The following ELAVL4 variants were observed in gnomAD, a reference collection of about 807,000 sequenced individuals.
ELAVL4 encodes the protein ELAV-like protein 4.
ELAVL4 carries 1 observed loss-of-function variant against 35.6 expected under a neutral mutation model. That is an observed-to-expected ratio of 0.03 (90% CI 0.01 to 0.13). The LOEUF is 0.13. Ranked by LOEUF, ELAVL4 falls within the 10% of genes least tolerant of loss-of-function variation. ELAVL4 has a pLI of 1.00. For missense variants in ELAVL4, 267 were observed against 464.9 expected, an observed-to-expected ratio of 0.57 and a Z score of 3.91; for synonymous variants, 156 against 171.0, an observed-to-expected ratio of 0.91 and a Z score of 0.69.
intron 2 of ELAVL4, among the ~76,000 whole-genome samples, chr1:50,172,306 A>C (rs774978717): frequency 6.6e-5 from 10 of 152,338 alleles, no homozygotes; most frequent in Non-Finnish European, 1.5e-4. Flanking sequence ...GATTAAATAT[A>C]ACAAAAATGC....
chr1:50,055,276 T>G (rs913207949), intron 1 of ELAVL4, among the ~76,000 whole-genome samples: 25 of 147,590 alleles, frequency 1.7e-4, no homozygotes, highest in African/African-American at 5.9e-4. Context: ...TTTGTTTTGT[T>G]TTTTTTTTGT....
chr1:50,164,533 AG>A (rs746631659), intron 2 of ELAVL4, among the ~76,000 whole-genome samples: 13 of 152,240 alleles, frequency 8.5e-5, no homozygotes, highest in Non-Finnish European at 1.5e-4. Flanking sequence ...GGTCAGGCAC[AG>A]TGGCACATGC....
At chr1:50,150,933 A>G (rs1479591342) in intron 2 of ELAVL4, among the ~76,000 whole-genome samples, 1 of 152,238 alleles carries the variant, frequency 6.6e-6, no homozygotes, top group Non-Finnish European at 1.5e-5. Context: ...CTTTAAATAT[A>G]GTAGCTTATT....
At chr1:50,163,317 C>G (rs992006546) in intron 2 of ELAVL4, among the ~76,000 whole-genome samples, 7 of 152,206 alleles carry the variant, frequency 4.6e-5, no homozygotes, top group Non-Finnish European at 8.8e-5. Flanking sequence ...TCTACTAGAT[C>G]ATGAGCTCCT....
chr1:50,169,807 C>A (rs1334939722), intron 2 of ELAVL4, among the ~76,000 whole-genome samples: 1 of 152,198 alleles, frequency 6.6e-6, no homozygotes, highest in Non-Finnish European at 1.5e-5. Flanking sequence ...GAATCAATTT[C>A]AACTTCCTCT....
intron 1 of ELAVL4, among the ~76,000 whole-genome samples, chr1:50,114,293 C>A (rs1159588634): frequency 1.3e-5 from 2 of 151,896 alleles, no homozygotes; most frequent in Non-Finnish European, 2.9e-5. Context: ...CTAGTCTTTA[C>A]CATTGGTAAA....
chr1:50,151,397 A>G (rs1010969552), intron 2 of ELAVL4, among the ~76,000 whole-genome samples: 9 of 152,216 alleles, frequency 5.9e-5, no homozygotes, highest in Non-Finnish European at 1.0e-4. Flanking sequence ...TAAACAAAGA[A>G]GACTAGACTT....
At chr1:50,194,979 G>T (rs1643944573) in intron 4 of ELAVL4, among the ~76,000 whole-genome samples, 1 of 152,298 alleles carries the variant, frequency 6.6e-6, no homozygotes, top group South Asian at 2.1e-4. Context: ...GGGCCAGATT[G>T]CCAGAGGCAT....
At chr1:50,133,582 GAA>G (rs1399445286) in intron 1 of ELAVL4, among the ~76,000 whole-genome samples, 1 of 105,838 alleles carries the variant, frequency 9.4e-6, no homozygotes, top group South Asian at 3.0e-4. Flanking sequence ...AAGAGAGAGA[GAA>G]AGAAAGAAAG....
intron 1 of ELAVL4, among the ~76,000 whole-genome samples, chr1:50,065,325 G>C (rs1310483843): frequency 2.6e-5 from 4 of 152,158 alleles, no homozygotes; most frequent in Non-Finnish European, 2.9e-5. Flanking sequence ...AGAAGACTGG[G>C]AAAAGTTCCT....
chr1:50,189,698 T>C (rs1682383397), intron 3 of ELAVL4, among the ~76,000 whole-genome samples: 1 of 152,230 alleles, frequency 6.6e-6, no homozygotes, highest in South Asian at 2.1e-4. Context: ...CACAAAAGCC[T>C]GTATGACTCA....
chr1:50,170,211 T>G (rs1285931839), intron 2 of ELAVL4, among the ~76,000 whole-genome samples: 5 of 152,202 alleles, frequency 3.3e-5, no homozygotes, highest in Non-Finnish European at 4.4e-5. Flanking sequence ...TGAGCATCTG[T>G]TTTATGGCAG....
intron 2 of ELAVL4, among the ~76,000 whole-genome samples, chr1:50,161,961 G>A (rs901541187): frequency 9.9e-5 from 15 of 152,190 alleles, no homozygotes; most frequent in African/African-American, 3.4e-4. Flanking sequence ...AGAAATGAAT[G>A]TATATAGTCT....
chr1:50,159,181 C>T (rs1258674376), intron 2 of ELAVL4, among the ~76,000 whole-genome samples: 1 of 152,158 alleles, frequency 6.6e-6, no homozygotes, highest in Admixed American at 6.5e-5. Context: ...AGTATTCAGT[C>T]CTGTTTCAAA....
chr1:50,063,691 T>G (rs1287553730), intron 1 of ELAVL4, among the ~76,000 whole-genome samples: 1 of 152,208 alleles, frequency 6.6e-6, no homozygotes, highest in Non-Finnish European at 1.5e-5. Context: ...AAGCATTTTC[T>G]TCTTGTCTGG....
intron 3 of ELAVL4, among the ~76,000 whole-genome samples, chr1:50,191,358 T>C (rs1205683666): frequency 3.3e-5 from 5 of 152,128 alleles, no homozygotes; most frequent in African/African-American, 1.2e-4. Flanking sequence ...GTCCCTTAGC[T>C]CTTAGCTTGG....
rs1300026786 is a variant in ELAVL4, at chr1:50,195,700, G to A, written c.648G>A (p.Lys216=). The change falls in exon 5 of 7, where the codon AAG becomes AAA. Residue 216 remains lysine, a synonymous_variant. Transcript: ENST00000371824. ...TVKFANNPSQ[K]SSQALLSQLY... ...AGTTTGCCAACAACCCCAGCCAGAA[G>A]TCCAGCCAGGCCCTGCTCTCCCAGC... is the stretch of plus-strand genomic sequence containing the variant. The A allele has an allele frequency of 1.2e-6, 2 of 1,614,046 alleles. No homozygotes were observed. The highest frequency in any genetic ancestry group is 1.7e-5 in the Admixed American group (1 of 59,998).
chr1:50,091,834 T>TA (rs1261759760), intron 1 of ELAVL4, among the ~76,000 whole-genome samples: 2 of 152,252 alleles, frequency 1.3e-5, no homozygotes, highest in East Asian at 3.9e-4. Context: ...TGTCATGTTT[T>TA]ATCCCCATTT....
intron 1 of ELAVL4, among the ~76,000 whole-genome samples, chr1:50,126,078 C>T (rs558966280): frequency 2.0e-5 from 3 of 151,930 alleles, no homozygotes; most frequent in Non-Finnish European, 4.4e-5. Flanking sequence ...AAGCTCAGTC[C>T]CCCTAGGGTG....
Sources: allele counts gnomAD v4.1 joint callset (sites outside exome capture counted in the v4.1 genomes callset), GRCh38; gene constraint gnomAD v4.1.1; transcripts MANE v1.5; gene names NCBI Gene and HGNC (gene_info 2026-07-23, HGNC 2026-07-21).